Variants in HSPA4 observed in about 807,000 individuals in gnomAD.
HSPA4 encodes the protein heat shock 70 kDa protein 4.
In HSPA4, 25 loss-of-function variants were observed where a neutral mutation model predicts 106.2. That is an observed-to-expected ratio of 0.24 (90% confidence interval 0.17 to 0.33). The LOEUF is 0.33. HSPA4 is among the 10% of genes least tolerant of loss of function. The probability of loss-of-function intolerance (pLI) is 1.00; values close to 1 mark genes in which losing one functional copy is unlikely to be tolerated. For missense variants in HSPA4, 841 were observed against 996.0 expected, an observed-to-expected ratio of 0.84 and a Z score of 2.10; for synonymous variants, 332 against 333.6, an observed-to-expected ratio of 1.00 and a Z score of 0.05.
rs1561573521 is a variant in HSPA4 at position 133,052,274 on chromosome 5, G to C, written c.24G>C (p.Leu8=). 2 of 1,596,118 alleles carry C rather than the reference G, an allele frequency of 1.3e-6. No individual in the cohort carries two copies. Among genetic ancestry groups the C allele is most frequent in the Non-Finnish European group, 1.7e-6 (2 of 1,174,308 alleles). ...CCATGTCGGTGGTGGGCATAGACCT[G>C]GGCTTCCAGAGCTGCTACGTCGCTG... MSVVGID[L]GFQSCYVAVA... Residue 8 remains leucine (L), a synonymous_variant, in exon 1 of 19, where the codon CTG becomes CTC. Coordinates refer to ENST00000304858, the MANE Select transcript of HSPA4 (RefSeq NM_002154.4).
chr5:133,081,010 T>TA lies in HSPA4; in HGVS notation c.908+4113dup, dbSNP rs377537944. On this transcript the variant is annotated intron_variant, in intron 7 of 18. Coordinates refer to ENST00000304858, the MANE Select transcript of HSPA4 (RefSeq NM_002154.4). ...TTACTCTCCATTTCCCTCCATACCC[T>TA]AGGCAATTACCAATATGTTTTCTGT... 9.2e-5 allele frequency among the ~76,000 whole-genome samples: 14 copies of TA among 152,312 alleles called. No individual in the cohort carries two copies. In the East Asian group the frequency reaches 2.7e-3, roughly 29 times the overall value.
chr5:133,087,321 T>C (rs1431812736), intron 8 of HSPA4, among the ~76,000 whole-genome samples: 5 of 152,252 alleles, frequency 3.3e-5, no homozygotes, highest in African/African-American at 9.6e-5. Context: ...TCCTAAAATC[T>C]TTCTTTGACA....
chr5:133,094,670 T>G (rs906612726), intron 13 of HSPA4, among the ~76,000 whole-genome samples: 1 of 152,158 alleles, frequency 6.6e-6, no homozygotes, highest in Non-Finnish European at 1.5e-5. Flanking sequence ...GAGGGGGTTT[T>G]AGAGGTATTA....
At chr5:133,076,613 G>C in intron 6 of HSPA4, 41 bp from the exon 7 acceptor site, 25 of 1,569,086 alleles carry the variant, frequency 1.6e-5, no homozygotes, top group Non-Finnish European at 2.1e-5. Flanking sequence ...TTTCAAAATC[G>C]ATTGGTTAAT....
In HSPA4 at chr5:133,073,213, C is replaced by G. The variant is rs372766936; in HGVS notation, c.430-17C>G. On this transcript the variant is annotated splice_polypyrimidine_tract_variant and intron_variant, in intron 4 of 18. Transcript: ENST00000304858. ...TAGAATCTATAATACAGTAAGCATT[C>G]TTTTTTTTTTTTGTAGGTTCCTTGT... The G allele has an allele frequency of 6.7e-6, 8 of 1,190,190 alleles. No individual in the cohort carries two copies. Among genetic ancestry groups the G allele is most frequent in the Non-Finnish European group, 9.3e-6 (8 of 859,482 alleles). The allele number at this position is 1,190,190 out of a possible 1,614,324, so 73.7% of individuals were successfully genotyped here.
At position 133,065,015 on chromosome 5, in the gene HSPA4, T is replaced by C; in HGVS notation, c.143T>C (p.Ile48Thr). 1 of 1,614,138 alleles carries C rather than the reference T, an allele frequency of 6.2e-7. No homozygotes were observed. Among genetic ancestry groups the C allele is most frequent in the Non-Finnish European group, 8.5e-7 (1 of 1,179,976 alleles). ...CISFGPKNRS[I>T]GAAAKSQVIS... ...TCTTTTGGTCCTAAGAATCGTTCAATTGGAGCAGCAGCTAAAAGCCAGGTA... is the reference window on the plus strand; with the variant it reads ...TCTTTTGGTCCTAAGAATCGTTCAACTGGAGCAGCAGCTAAAAGCCAGGTA... The change falls in exon 2 of 19, where the codon ATT becomes ACT. Residue 48 changes from isoleucine to threonine, a missense_variant. By Grantham distance (89) the Ile-to-Thr change is moderately conservative. This residue lies in a region of HSPA4 where 347 missense variants were observed against 408.7 expected (regional missense o/e 0.85). Transcript: ENST00000304858.
chr5:133,104,155 G>A, intron 18 of HSPA4, 78 bp from the exon 19 acceptor site: 2 of 1,470,896 alleles, frequency 1.4e-6, no homozygotes, highest in South Asian at 1.2e-5. Context: ...TGGTGGGAGA[G>A]GGCGGATTTG....
chr5:133,103,775 G>A (rs1471872865), intron 17 of HSPA4, 90 bp from the exon 18 acceptor site: 14 of 1,074,192 alleles, frequency 1.3e-5, no homozygotes, highest in Non-Finnish European at 1.9e-5. Flanking sequence ...AAGATTATAA[G>A]TTTTTGAAAA....
Position 133,102,275 on chromosome 5 carries a change from G to C in HSPA4, c.2157+397G>C, listed in dbSNP as rs139574076. On this transcript the variant is annotated intron_variant, in intron 17 of 18. Transcript: ENST00000304858. ...CATTTACATAGCATTTTTTTCTCTT[G>C]TTCTCATTAACTTGTTTAATAGCAC... is the stretch of plus-strand genomic sequence containing the variant. 2.2e-3 allele frequency among the ~76,000 whole-genome samples: 328 copies of C among 152,062 alleles called. 2 individuals carry two copies. Among genetic ancestry groups the C allele is most frequent in the African/African-American group, 7.4e-3 (309 of 41,484 alleles).
In HSPA4 at chr5:133,076,747, A is replaced by G; in HGVS notation, c.757A>G (p.Lys253Glu). The G allele has an allele frequency of 6.2e-7, 1 of 1,613,996 alleles. No homozygotes were observed. Among genetic ancestry groups the G allele is most frequent in the Admixed American group, 1.7e-5 (1 of 60,030 alleles). ...CTGTGAAGAATTTGGGAAGAAATAC[A>G]AGCTAGACATTAAGTCCAAAATCCG... is the stretch of plus-strand genomic sequence containing the variant. ...HFCEEFGKKYKLDIKSKIRAL... is the reference protein window; with the variant it reads ...HFCEEFGKKYELDIKSKIRAL... Residue 253 changes from lysine to glutamate, a missense_variant, in exon 7 of 19, where the codon AAG (lysine) becomes GAG (glutamate). By Grantham distance (56) the Lys-to-Glu change is moderately conservative. This residue lies in a region of HSPA4 where 347 missense variants were observed against 408.7 expected (regional missense o/e 0.85). Transcript: ENST00000304858.
chr5:133,067,374 AATT>A, intron 2 of HSPA4, 40 bp from the exon 3 acceptor site: 4 of 1,523,680 alleles, frequency 2.6e-6, no homozygotes, highest in Non-Finnish European at 3.6e-6. Flanking sequence ...ATAAAAAAAA[AATT>A]AGTAGTAGTC....
intron 14 of HSPA4, 107 bp downstream of exon 14, chr5:133,096,357 G>A (rs931207926): frequency 2.9e-6 from 3 of 1,027,286 alleles, no homozygotes; most frequent in South Asian, 1.7e-5. Flanking sequence ...TTTGGACTTA[G>A]AGAAAATAAA....
In HSPA4 at chr5:133,067,412, C is replaced by T. The variant is rs764857245; in HGVS notation, c.166-5C>T. ...CTTTCCACTCTTTGATATTCTTTCT[C>T]TTAGGTAATTTCTAATGCAAAGAAC... On this transcript the variant is annotated splice_polypyrimidine_tract_variant and splice_region_variant and intron_variant, in intron 2 of 18. Coordinates refer to ENST00000304858, the MANE Select transcript of HSPA4 (RefSeq NM_002154.4). The T allele has an allele frequency of 4.4e-6, 7 of 1,604,474 alleles. No homozygotes were observed. Among genetic ancestry groups the T allele is most frequent in the South Asian group, 2.3e-5 (2 of 88,522 alleles).
intron 4 of HSPA4, among the ~76,000 whole-genome samples, chr5:133,071,061 C>T (rs2126700546): frequency 6.6e-6 from 1 of 152,046 alleles, no homozygotes; most frequent in African/African-American, 2.4e-5. Context: ...GTATTTTTTT[C>T]ATCGCCTAGC....
intron 13 of HSPA4, among the ~76,000 whole-genome samples, chr5:133,093,450 A>G (rs933800778): frequency 2.6e-5 from 4 of 152,212 alleles, no homozygotes; most frequent in Non-Finnish European, 4.4e-5. Context: ...TGAAACTGAA[A>G]AAATTTTCAA....
In HSPA4 at chr5:133,104,542, GT is replaced by G; in HGVS notation, c.*111del. 1 of 1,020,918 alleles carries G rather than the reference GT, an allele frequency of 9.8e-7. No homozygotes were observed. The highest frequency in any genetic ancestry group is 1.4e-6 in the Non-Finnish European group (1 of 690,460). 63.2% of individuals were successfully genotyped at this position (1,020,918 alleles called of 1,614,324 possible). The stretch of plus-strand genomic sequence containing the variant: ...GTGAATACTGAAGATTTCTTAGTCA[GT>G]TTTTAGGGGATTTTCGGGGAGGGGA... On this transcript the variant is annotated 3_prime_UTR_variant, in exon 19 of 19. Transcript: ENST00000304858.
chr5:133,067,623 ATCTG>A, intron 3 of HSPA4, 66 bp downstream of exon 3: 1 of 1,323,380 alleles, frequency 7.6e-7, no homozygotes, highest in Non-Finnish European at 1.1e-6. Context: ...TTCAATATCT[ATCTG>A]TACTTTTCTG....
rs1688257832 is a variant in HSPA4 at position 133,092,735 on chromosome 5, A to T, written c.1596A>T (p.Glu532Asp). ...TGGACCAGGAGGAACCACATGTTGAAGAGCAACAGCAGCAGACACCAGCAG... is the reference window on the plus strand; with the variant it reads ...TGGACCAGGAGGAACCACATGTTGATGAGCAACAGCAGCAGACACCAGCAG... ...MQVDQEEPHV[E>D]EQQQQTPAEN... Residue 532 changes from glutamate to aspartate, a missense_variant, in exon 13 of 19, where the codon GAA becomes GAT. Around this residue, in one of 5 missense-constraint regions of HSPA4, gnomAD observed 328 missense variants for 372.2 expected, o/e 0.88. Coordinates refer to ENST00000304858, the MANE Select transcript of HSPA4 (RefSeq NM_002154.4). 4 of 1,610,340 alleles carry T rather than the reference A, an allele frequency of 2.5e-6. No individual in the cohort carries two copies. In the African/African-American group the frequency reaches 4.0e-5, roughly 16 times the overall value.
chr5:133,092,817 T>TTTG, intron 13 of HSPA4, 28 bp downstream of exon 13: 6 of 959,004 alleles, frequency 6.3e-6, no homozygotes, highest in Non-Finnish European at 8.9e-6. Context: ...TTTTTTTTTT[T>TTTG]TTTTTTTTTT....
Sources: gnomAD v4.1 joint callset for allele counts (sites outside exome capture counted in the v4.1 genomes callset) on GRCh38, gnomAD v4.1.1 for gene constraint, gnomAD v4.1.1 regional missense constraint, MANE v1.5 for transcripts, NCBI Gene and HGNC (gene_info 2026-07-23, HGNC 2026-07-21) for gene names.